The following VGLL4 variants were observed in gnomAD, a reference collection of about 807,000 sequenced individuals.
The protein encoded by VGLL4 is vestigial like family member 4.
In VGLL4, 7 loss-of-function variants were observed where a neutral mutation model predicts 21.0. That is an observed-to-expected ratio of 0.33 (90% CI 0.19 to 0.63). VGLL4 has a LOEUF of 0.63. Ranked by LOEUF, VGLL4 falls within the 20% of genes least tolerant of loss-of-function variation. The probability of loss-of-function intolerance (pLI) is 0.78; values close to 1 mark genes in which losing one functional copy is unlikely to be tolerated. For missense variants in VGLL4, 394 were observed against 425.7 expected (o/e 0.93, Z 0.66); for synonymous variants, 222 against 173.2 (o/e 1.28, Z -2.21).
chr3:11,558,396 C>T lies in VGLL4; in HGVS notation c.*160G>A, dbSNP rs1000494146. The T allele has an allele frequency of 6.1e-5, 77 of 1,256,688 alleles. No homozygotes were observed. The African/African-American group carries it at 1.0e-3, about 17-fold the overall frequency. The allele number at this position is 1,256,688 out of a possible 1,614,324, so 77.8% of individuals were successfully genotyped here. A position where few individuals can be genotyped will look rare whatever the true frequency, so the allele number is the denominator to read the frequency against. On this transcript the variant is annotated 3_prime_UTR_variant, in exon 5 of 5. Transcript: ENST00000430365. ...CCCTTGTACGGATACCAAGCAAGTA[C>T]AAAAACAGAACACAAATCCCAACAA...
At chr3:11,578,648 G>C (rs2074128845) in intron 2 of VGLL4, among the ~76,000 whole-genome samples, 1 of 148,826 alleles carries the variant, frequency 6.7e-6, no homozygotes, top group Non-Finnish European at 1.5e-5. Context: ...AAACTATTGA[G>C]CTAAATTATT....
chr3:11,558,384 A>G lies in VGLL4; in HGVS notation c.*172T>C. ...TGTTTGAGGGCCCCCTTGTACGGAT[A>G]CCAAGCAAGTACAAAAACAGAACAC... On this transcript the variant is annotated 3_prime_UTR_variant, in exon 5 of 5. Transcript: ENST00000430365. 1.8e-6 allele frequency: 2 copies of G among 1,109,576 alleles called. No individual in the cohort carries two copies. The highest frequency in any genetic ancestry group is 2.5e-6 in the Non-Finnish European group (2 of 802,416). The allele number at this position is 1,109,576 out of a possible 1,614,324, so 68.7% of individuals were successfully genotyped here. A position where few individuals can be genotyped will look rare whatever the true frequency, so the allele number is the denominator to read the frequency against.
At chr3:11,711,953 G>T (rs1006071860) in intron 1 of VGLL4, among the ~76,000 whole-genome samples, 3 of 152,170 alleles carry the variant, frequency 2.0e-5, no homozygotes, top group Non-Finnish European at 4.4e-5. Flanking sequence ...CAGTTTCACG[G>T]TTTTAAATCC....
chr3:11,575,768 C>T (rs1385914477), intron 2 of VGLL4, among the ~76,000 whole-genome samples: 2 of 152,208 alleles, frequency 1.3e-5, no homozygotes, highest in Admixed American at 6.5e-5. Flanking sequence ...TAGAATGAGG[C>T]GTAAAGTCAG....
intron 1 of VGLL4, among the ~76,000 whole-genome samples, chr3:11,608,203 G>T (rs976356664): frequency 1.1e-4 from 16 of 152,190 alleles, no homozygotes; most frequent in African/African-American, 3.9e-4. Context: ...AGCTTTACAA[G>T]TTGGCTTAAC....
chr3:11,578,992 C>T (rs995238860), intron 2 of VGLL4, among the ~76,000 whole-genome samples: 1 of 151,946 alleles, frequency 6.6e-6, no homozygotes. Flanking sequence ...TCATGATCCG[C>T]CCGCCTCAGC....
chr3:11,719,378 C>G lies in VGLL4; in HGVS notation c.-14+1016G>C, dbSNP rs1027639904. 2.0e-5 allele frequency: 3 copies of G among 152,184 alleles called. No homozygotes were observed. The highest frequency in any genetic ancestry group is 6.6e-5 in the Admixed American group (1 of 15,254). 9.4% of individuals were successfully genotyped at this position (152,184 alleles called of 1,614,324 possible). A position where few individuals can be genotyped will look rare whatever the true frequency, so the allele number is the denominator to read the frequency against. On this transcript the variant is annotated intron_variant, in intron 1 of 5. Coordinates refer to the VGLL4 transcript ENST00000273038. This position sits in a 1 kb window ranked among gnomAD's most constrained non-coding sequence, Gnocchi z 4.0. ...CCCTCTCAGGCCAGCCCTCGCCCAGCCCGGGTCCCGCCCCGCCGACCGGGT... is the reference window on the plus strand; with the variant it reads ...CCCTCTCAGGCCAGCCCTCGCCCAGGCCGGGTCCCGCCCCGCCGACCGGGT...
chr3:11,702,734 AAAAAAAAAAAC>A, intron 2 of VGLL4: 1 of 240,948 alleles, frequency 4.2e-6, no homozygotes, highest in Non-Finnish European at 8.1e-6. Flanking sequence ...CCCATCTCAA[AAAAAAAAAAAC>A]AAAAAAAAAA....
intron 2 of VGLL4, among the ~76,000 whole-genome samples, chr3:11,696,995 G>C (rs1375715644): frequency 1.3e-5 from 2 of 151,458 alleles, no homozygotes; most frequent in Non-Finnish European, 1.5e-5. Flanking sequence ...ATCCCACCTT[G>C]GTCTCCCAAA....
chr3:11,692,001 AG>A lies in VGLL4; in HGVS notation c.64+10969del, dbSNP rs777161377. Among the ~76,000 whole-genome samples, 18 of 151,714 alleles carry A rather than the reference AG, an allele frequency of 1.2e-4. No homozygotes were observed. The East Asian group carries it at 2.9e-3, about 24-fold the overall frequency. On this transcript the variant is annotated intron_variant, in intron 2 of 5. Coordinates refer to the VGLL4 transcript ENST00000273038. ...ACCAAATGAAAAAAAAAAAAAAAAAAGAACTACTTCATCCAAAAATTCTTGA... is the reference window on the plus strand; with the variant it reads ...ACCAAATGAAAAAAAAAAAAAAAAAAAACTACTTCATCCAAAAATTCTTGA...
intron 2 of VGLL4, among the ~76,000 whole-genome samples, chr3:11,676,412 AAAAT>A (rs2076293072): frequency 2.3e-4 from 7 of 30,202 alleles, no homozygotes; most frequent in African/African-American, 5.8e-4. Context: ...AAAAAAAAAT[AAAAT>A]AATAATAATA....
intron 1 of VGLL4, among the ~76,000 whole-genome samples, chr3:11,621,921 C>T (rs7610146): frequency 0.035 from 5,275 of 152,196 alleles, 237 homozygotes; most frequent in African/African-American, 0.1. Flanking sequence ...TATTTTTCTG[C>T]AATTCTTGGC....
At chr3:11,704,806 AAC>A (rs2076736300) in intron 1 of VGLL4, among the ~76,000 whole-genome samples, 2 of 152,196 alleles carry the variant, frequency 1.3e-5, no homozygotes, top group African/African-American at 4.8e-5. Context: ...CATCTCAGGG[AAC>A]ATCTGGGGAA....
chr3:11,667,842 CTTTTTTTTTTT>C (rs746416276), intron 2 of VGLL4, among the ~76,000 whole-genome samples: 5 of 69,284 alleles, frequency 7.2e-5, no homozygotes, highest in South Asian at 7.4e-4. Context: ...CTATCTTCTT[CTTTTTTTTTTT>C]TTTTTTTTTT....
At position 11,667,735 on chromosome 3, in the gene VGLL4, A is replaced by G. The variant is rs374715114; in HGVS notation, c.64+35236T>C. ...CTTCCTTTAAAACTCCCCCAGTATC[A>G]TTATCCCTTGGGTTACATTTTCTTT... On this transcript the variant is annotated intron_variant, in intron 2 of 5. Coordinates refer to the VGLL4 transcript ENST00000273038. Among the ~76,000 whole-genome samples the G allele has an allele frequency of 1.1e-3, 160 of 151,302 alleles. 1 individual carries two copies. In the South Asian group the frequency reaches 0.032, roughly 31 times the overall value.
In VGLL4 at chr3:11,652,457, T is replaced by C. The variant is rs113088129; in HGVS notation, c.65-50435A>G. On this transcript the variant is annotated intron_variant, in intron 2 of 5. Transcript: ENST00000273038. The stretch of plus-strand genomic sequence containing the variant: ...TTTTTTGACATGGAGTCTAACTCTG[T>C]TGCCCAGGCTGGAGTGCAGTGGCGC... Among the ~76,000 whole-genome samples, 319 of 152,324 alleles carry C rather than the reference T, an allele frequency of 2.1e-3. 1 individual carries two copies. Among genetic ancestry groups the C allele is most frequent in the African/African-American group, 7.4e-3 (307 of 41,574 alleles).
intron 2 of VGLL4, among the ~76,000 whole-genome samples, chr3:11,583,741 T>A (rs1436278942): frequency 6.6e-6 from 1 of 152,052 alleles, no homozygotes; most frequent in African/African-American, 2.4e-5. Context: ...CCCCCTCAGC[T>A]CCGCCAAGGA....
Position 11,559,337 on chromosome 3 carries a change from G to T in VGLL4, c.614C>A (p.Pro205Gln). Reference protein sequence around the residue: ...APGPASYRRPPSAATTCDPVV... With the variant: ...APGPASYRRPQSAATTCDPVV... ...AGGAGGCCCGGGACACTCACCGCTC[G>T]GTGGCCTCCGGTAGCTGGCAGGCCC... Residue 205 changes from proline (P) to glutamine (Q), a missense_variant, in exon 4 of 5, where the codon CCG becomes CAG. Physicochemically the swap from Pro to Gln is moderately conservative, Grantham distance 76. Coordinates refer to ENST00000430365, the MANE Select transcript of VGLL4 (RefSeq NM_001128219.3). 2 of 1,542,092 alleles carry T rather than the reference G, an allele frequency of 1.3e-6. No homozygotes were observed. The highest frequency in any genetic ancestry group is 1.8e-6 in the Non-Finnish European group (2 of 1,142,156).
intron 1 of VGLL4, among the ~76,000 whole-genome samples, chr3:11,708,401 G>A (rs1357792983): frequency 1.3e-5 from 2 of 152,160 alleles, no homozygotes; most frequent in Non-Finnish European, 2.9e-5. Context: ...GGAAAAGGTG[G>A]GAGACAGCAG....
Sources: gnomAD v4.1 joint callset for allele counts (sites outside exome capture counted in the v4.1 genomes callset) on GRCh38, gnomAD v4.1.1 for gene constraint, Gnocchi (gnomAD v3.1) non-coding constraint, MANE v1.5 for transcripts, NCBI Gene and HGNC (gene_info 2026-07-23, HGNC 2026-07-21) for gene names.